CAST: variants seen among roughly 807,000 people sequenced by gnomAD.
CAST encodes the protein calpastatin.
Under a neutral mutation model 119.6 loss-of-function variants are expected in CAST, and 76 were observed. That is an observed-to-expected ratio of 0.64 (90% CI 0.53 to 0.77). The LOEUF is 0.77. Ranked by LOEUF, CAST falls within the 30% of genes least tolerant of loss-of-function variation. The probability of loss-of-function intolerance (pLI) is 0.00; values close to 1 mark genes in which losing one functional copy is unlikely to be tolerated. For missense variants in CAST, 953 were observed against 946.5 expected (o/e 1.01, Z -0.09); for synonymous variants, 319 against 331.6 (o/e 0.96, Z 0.41).
At chr5:96,540,655 TTC>T (rs1183685012) in intron 1 of CAST, among the ~76,000 whole-genome samples, 1 of 152,230 alleles carries the variant, frequency 6.6e-6, no homozygotes, top group African/African-American at 2.4e-5. Flanking sequence ...AATGTTCTTC[TTC>T]TGTTTCCGGA....
At chr5:96,306,559 C>A in the CAST span, among the ~76,000 whole-genome samples, 1 of 152,226 alleles carries the variant, frequency 6.6e-6, no homozygotes, top group Non-Finnish European at 1.5e-5. Flanking sequence ...GATTTTAGAT[C>A]TTTCCTGCTT....
At chr5:96,722,511 T>G (rs1758471259) in intron 3 of CAST, 128 bp from the exon 4 acceptor site, 1 of 673,698 alleles carries the variant, frequency 1.5e-6, no homozygotes, top group South Asian at 1.8e-5. Flanking sequence ...CCTACTAGAT[T>G]TTTGTGCTCT....
the CAST span, among the ~76,000 whole-genome samples, chr5:96,292,515 T>C: frequency 6.6e-6 from 1 of 152,224 alleles, no homozygotes; most frequent in Non-Finnish European, 1.5e-5. Context: ...CAATTCAGAC[T>C]GAATTGCCTC....
At chr5:96,702,881 A>C in intron 3 of CAST, 1 of 985,488 alleles carries the variant, frequency 1.0e-6, no homozygotes, top group East Asian at 1.1e-4. Flanking sequence ...CCTGAAAACC[A>C]AGCCGAGGAC....
the CAST span, among the ~76,000 whole-genome samples, chr5:96,259,695 G>T: frequency 6.6e-6 from 1 of 152,040 alleles, no homozygotes; most frequent in Non-Finnish European, 1.5e-5. Context: ...AATGGGCCTA[G>T]CTTCCTCTTT....
chr5:96,271,858 A>G, the CAST span, among the ~76,000 whole-genome samples: 2 of 152,200 alleles, frequency 1.3e-5, no homozygotes, highest in East Asian at 3.8e-4. Context: ...CAAACTACCC[A>G]TCTGACAAAG....
At chr5:96,398,668 G>T in the CAST span, among the ~76,000 whole-genome samples, 1 of 152,130 alleles carries the variant, frequency 6.6e-6, no homozygotes, top group East Asian at 1.9e-4. Flanking sequence ...ATTTGAATGG[G>T]CCTCATTCTC....
chr5:95,984,852 A>T, the CAST span, among the ~76,000 whole-genome samples: 1 of 152,206 alleles, frequency 6.6e-6, no homozygotes. Flanking sequence ...TGAAAAAGAG[A>T]TAGTATCAAA....
the CAST span, among the ~76,000 whole-genome samples, chr5:96,381,813 G>A: frequency 1.3e-5 from 2 of 152,222 alleles, no homozygotes; most frequent in East Asian, 3.9e-4. Context: ...TTGTTTCTTT[G>A]TCTACCTTTT....
chr5:96,492,505 CT>C, the CAST span, among the ~76,000 whole-genome samples: 1 of 152,222 alleles, frequency 6.6e-6, no homozygotes, highest in Non-Finnish European at 1.5e-5. Flanking sequence ...TGTTAGCCCC[CT>C]AAGAAAACAT....
chr5:96,687,778 C>T (rs1431733064), intron 2 of CAST, among the ~76,000 whole-genome samples: 1 of 152,130 alleles, frequency 6.6e-6, no homozygotes, highest in East Asian at 1.9e-4. Context: ...AATAACATCC[C>T]ATTTTTGGTT....
intron 1 of CAST, among the ~76,000 whole-genome samples, chr5:96,569,146 T>C (rs1263175308): frequency 6.6e-6 from 1 of 152,210 alleles, no homozygotes; most frequent in Non-Finnish European, 1.5e-5. Context: ...AACTTCATTT[T>C]ATGGAATTCC....
At chr5:96,573,812 T>G (rs1746616514) in intron 1 of CAST, among the ~76,000 whole-genome samples, 1 of 152,236 alleles carries the variant, frequency 6.6e-6, no homozygotes, top group African/African-American at 2.4e-5. Context: ...ACTCTTCTGA[T>G]TTCCTCATGA....
At chr5:96,185,479 T>G in the CAST span, among the ~76,000 whole-genome samples, 3 of 152,240 alleles carry the variant, frequency 2.0e-5, no homozygotes, top group Non-Finnish European at 4.4e-5. Context: ...TTTGTAGTTT[T>G]GGGTTTTACA....
chr5:96,317,289 C>G, the CAST span, among the ~76,000 whole-genome samples: 1 of 141,832 alleles, frequency 7.1e-6, no homozygotes, highest in East Asian at 2.0e-4. Flanking sequence ...CATGGTGAAA[C>G]TGTGTCTGTA....
chr5:96,549,122 A>G (rs183049145), intron 1 of CAST, among the ~76,000 whole-genome samples: 3 of 152,358 alleles, frequency 2.0e-5, no homozygotes, highest in Admixed American at 2.0e-4. Context: ...ACAGGGCAAT[A>G]AAGTGTAGAG....
chr5:96,331,931 A>T, the CAST span, among the ~76,000 whole-genome samples: 1 of 152,206 alleles, frequency 6.6e-6, no homozygotes, highest in Non-Finnish European at 1.5e-5. Flanking sequence ...GTTTCTTATC[A>T]CACAGTCAAC....
chr5:96,482,257 T>G, the CAST span, among the ~76,000 whole-genome samples: 1 of 151,942 alleles, frequency 6.6e-6, no homozygotes, highest in Admixed American at 6.6e-5. Context: ...CAATGAGAAA[T>G]ACCAGCATCC....
the CAST span, among the ~76,000 whole-genome samples, chr5:96,080,680 A>G: frequency 1.3e-5 from 2 of 152,180 alleles, no homozygotes; most frequent in Non-Finnish European, 2.9e-5. Flanking sequence ...GGCTTAGACA[A>G]TTGTGGGAGA....
Sources: allele counts gnomAD v4.1 joint callset (sites outside exome capture counted in the v4.1 genomes callset), GRCh38; gene constraint gnomAD v4.1.1; transcripts MANE v1.5; gene names NCBI Gene and HGNC (gene_info 2026-07-23, HGNC 2026-07-21).